Variants in SCN3A observed in about 807,000 individuals in gnomAD.
SCN3A encodes the protein sodium voltage-gated channel alpha subunit 3, also known as sodium channel protein type 3 subunit alpha.
SCN3A carries 60 observed loss-of-function variants against 187.6 expected under a neutral mutation model. That is an observed-to-expected ratio of 0.32 (90% CI 0.26 to 0.40). The LOEUF (loss-of-function observed/expected upper bound fraction) is 0.40. Ranked by LOEUF, SCN3A falls within the 10% of genes least tolerant of loss-of-function variation. The probability of loss-of-function intolerance (pLI) is 1.00; values close to 1 mark genes in which losing one functional copy is unlikely to be tolerated. For missense variants in SCN3A, 1,601 were observed against 2,428.2 expected, an observed-to-expected ratio of 0.66 and a Z score of 7.16; for synonymous variants, 788 against 829.2, an observed-to-expected ratio of 0.95 and a Z score of 0.85.
intron 21 of SCN3A, among the ~76,000 whole-genome samples, chr2:165,103,221 A>G (rs564766056): frequency 6.6e-6 from 1 of 152,322 alleles, no homozygotes; most frequent in African/African-American, 2.4e-5. Flanking sequence ...TAAAGTTTGA[A>G]GATAATGACT....
chr2:165,154,998 AT>A (rs1369231871), intron 10 of SCN3A, among the ~76,000 whole-genome samples: 1 of 152,182 alleles, frequency 6.6e-6, no homozygotes, highest in Non-Finnish European at 1.5e-5. Context: ...GTGGGATTCC[AT>A]TTGCACTGCA....
rs1304474382 is a variant in SCN3A at position 165,115,445 on chromosome 2, G to A, written c.3514+10C>T. 1 of 1,613,284 alleles carries A rather than the reference G, an allele frequency of 6.2e-7. No individual in the cohort carries two copies. Among genetic ancestry groups the A allele is most frequent in the Middle Eastern group, 1.7e-4 (1 of 6,060 alleles). Reference sequence around the variant, plus strand: ...GGAGATTGTATTTAATCACATCAGAGCTTGTTTACCTTCAGTAAAACAAGC... The same window carrying A: ...GGAGATTGTATTTAATCACATCAGAACTTGTTTACCTTCAGTAAAACAAGC... On this transcript the variant is annotated intron_variant, in intron 19 of 27. Coordinates refer to ENST00000283254, the MANE Select transcript of SCN3A (RefSeq NM_006922.4).
chr2:165,140,023 A>G lies in SCN3A; in HGVS notation c.2020-415T>C, dbSNP rs1687908624. On this transcript the variant is annotated intron_variant, in intron 13 of 27. Transcript: ENST00000283254. The surrounding 1 kb of genome is among the most constrained non-coding windows in gnomAD (Gnocchi z 4.2). The stretch of plus-strand genomic sequence containing the variant: ...TATGATTATATAGTCTCAAGGCTGA[A>G]TTATTTTCTTTGAGGCTATATTGAC... 6.6e-6 allele frequency among the ~76,000 whole-genome samples: 1 copy of G among 152,124 alleles called. No individual in the cohort carries two copies. Among genetic ancestry groups the G allele is most frequent in the African/African-American group, 2.4e-5 (1 of 41,432 alleles).
intron 18 of SCN3A, among the ~76,000 whole-genome samples, chr2:165,126,069 A>G (rs561869653): frequency 6.6e-6 from 1 of 152,300 alleles, no homozygotes; most frequent in Non-Finnish European, 1.5e-5. Context: ...TATTATAGGG[A>G]TTTCAGATCA....
At chr2:165,137,329 G>T (rs1166869192) in intron 15 of SCN3A, among the ~76,000 whole-genome samples, 1 of 152,078 alleles carries the variant, frequency 6.6e-6, no homozygotes, top group African/African-American at 2.4e-5. Context: ...CACCCATTTT[G>T]ATTAGCACAC....
intron 11 of SCN3A, among the ~76,000 whole-genome samples, chr2:165,151,647 C>T (rs1688688798): frequency 6.6e-6 from 1 of 152,100 alleles, no homozygotes; most frequent in East Asian, 1.9e-4. Flanking sequence ...TCTGCAGACT[C>T]CATGAATGGA....
chr2:165,177,993 C>T (rs1337171623), intron 2 of SCN3A, among the ~76,000 whole-genome samples: 1 of 152,006 alleles, frequency 6.6e-6, no homozygotes, highest in Admixed American at 6.6e-5. Context: ...CCCCTTTGCC[C>T]CCACATGTAT....
intron 2 of SCN3A, among the ~76,000 whole-genome samples, chr2:165,184,191 CCA>C (rs1404771798): frequency 5.9e-5 from 9 of 152,018 alleles, no homozygotes; most frequent in Admixed American, 2.0e-4. Flanking sequence ...ATAATGATAA[CCA>C]CTGGACACAT....
At chr2:165,157,111 A>G (rs62174942) in intron 9 of SCN3A, among the ~76,000 whole-genome samples, 12,599 of 151,802 alleles carry the variant, frequency 0.083, 644 homozygotes, top group Non-Finnish European at 0.097. Flanking sequence ...AGGGTTTCAC[A>G]GTGTTAGCCA....
intron 27 of SCN3A, among the ~76,000 whole-genome samples, 158 bp from the exon 28 acceptor site, chr2:165,091,503 A>AGAG (rs1376981258): frequency 6.6e-6 from 1 of 152,232 alleles, no homozygotes; most frequent in Non-Finnish European, 1.5e-5. Flanking sequence ...TACAGATTAC[A>AGAG]GAGTTTTATT....
At chr2:165,168,313 A>G (rs1221858236) in intron 5 of SCN3A, among the ~76,000 whole-genome samples, 2 of 152,096 alleles carry the variant, frequency 1.3e-5, no homozygotes, top group African/African-American at 4.8e-5. Flanking sequence ...ATGTATAATT[A>G]AGACATCTAC....
chr2:165,097,687 A>G, intron 22 of SCN3A, 163 bp from the exon 23 acceptor site: 2 of 835,178 alleles, frequency 2.4e-6, no homozygotes, highest in South Asian at 1.6e-5. Context: ...TTGAAGGAAA[A>G]CAAACAATGA....
intron 11 of SCN3A, among the ~76,000 whole-genome samples, chr2:165,151,340 A>T (rs1267449070): frequency 1.3e-5 from 2 of 152,210 alleles, no homozygotes; most frequent in East Asian, 3.8e-4. Flanking sequence ...TCATCCAAAG[A>T]ATACTTCAAA....
chr2:165,170,559 A>G lies in SCN3A; in HGVS notation c.265-11T>C. On this transcript the variant is annotated splice_polypyrimidine_tract_variant and intron_variant, in intron 3 of 27. Coordinates refer to ENST00000283254, the MANE Select transcript of SCN3A (RefSeq NM_006922.4). ...CATTACTATAAAAGTCTGAAAAAGA[A>G]AATACGAGTAAAATTACTAAATTAG... is the stretch of plus-strand genomic sequence containing the variant. 6.8e-7 allele frequency: 1 copy of G among 1,470,028 alleles called. No individual in the cohort carries two copies. The highest frequency in any genetic ancestry group is 2.3e-5 in the East Asian group (1 of 43,994). The allele number at this position is 1,470,028 out of a possible 1,614,324, so 91.1% of individuals were successfully genotyped here. A position where few individuals can be genotyped will look rare whatever the true frequency, so the allele number is the denominator to read the frequency against.
intron 17 of SCN3A, 44 bp from the exon 18 acceptor site, chr2:165,128,145 G>A (rs1354754660): frequency 2.1e-6 from 3 of 1,421,194 alleles, no homozygotes; most frequent in African/African-American, 2.9e-5. Context: ...ATTGAAATAT[G>A]CATTTAAATA....
intron 5 of SCN3A, among the ~76,000 whole-genome samples, chr2:165,166,776 CAA>C (rs1182879067): frequency 2.6e-5 from 4 of 152,294 alleles, no homozygotes; most frequent in African/African-American, 9.6e-5. Context: ...AAAACCTGAG[CAA>C]AGTTTTCCAG....
Position 165,100,261 on chromosome 2 carries a change from G to T in SCN3A, c.3966+41C>A, listed in dbSNP as rs776507245. ...TTTCTATCTAAATCATTACCTACAT[G>T]TAATTTTGACATGAATAATTAGAGT... On this transcript the variant is annotated intron_variant, in intron 22 of 27. Coordinates refer to ENST00000283254, the MANE Select transcript of SCN3A (RefSeq NM_006922.4). The T allele has an allele frequency of 1.9e-6, 3 of 1,602,722 alleles. No individual in the cohort carries two copies. The South Asian group carries it at 3.3e-5, about 18-fold the overall frequency.
intron 22 of SCN3A, among the ~76,000 whole-genome samples, chr2:165,099,451 G>C (rs945457848): frequency 1.3e-5 from 2 of 152,176 alleles, no homozygotes; most frequent in Non-Finnish European, 2.9e-5. Context: ...GGGCGCAGTG[G>C]TTCATGCCCG....
chr2:165,107,511 G>C (rs909689750), intron 21 of SCN3A, among the ~76,000 whole-genome samples: 2 of 152,172 alleles, frequency 1.3e-5, no homozygotes, highest in Non-Finnish European at 2.9e-5. Flanking sequence ...TTACCCCAAA[G>C]CTCTTTTAAT....
Sources: allele counts gnomAD v4.1 joint callset (sites outside exome capture counted in the v4.1 genomes callset), GRCh38; gene constraint gnomAD v4.1.1; non-coding constraint Gnocchi (gnomAD v3.1); transcripts MANE v1.5; gene names NCBI Gene and HGNC (gene_info 2026-07-23, HGNC 2026-07-21).